Variants in ASTN2 observed in about 807,000 individuals in gnomAD.
The protein encoded by ASTN2 is astrotactin-2.
ASTN2 carries 54 observed loss-of-function variants against 139.8 expected under a neutral mutation model. That is an observed-to-expected ratio of 0.39 (90% CI 0.31 to 0.48). The LOEUF (loss-of-function observed/expected upper bound fraction) is 0.48, where lower values mean the gene tolerates loss of function less well. Ranked by LOEUF, ASTN2 falls within the 20% of genes least tolerant of loss-of-function variation. The pLI, the probability that ASTN2 is intolerant of heterozygous loss-of-function variation, is 0.95. For synonymous variants in ASTN2, 756 were observed against 719.5 expected (o/e 1.05, Z -0.81); for missense variants, 1,565 against 1,725.1 (o/e 0.91, Z 1.64).
chr9:117,237,821 G>C (rs1052694984), intron 2 of ASTN2, among the ~76,000 whole-genome samples: 7 of 152,192 alleles, frequency 4.6e-5, no homozygotes, highest in African/African-American at 1.7e-4. Flanking sequence ...CATGCTCACA[G>C]TGTTTCACTT....
At chr9:116,700,443 T>C (rs1193764022) in intron 16 of ASTN2, 1 of 167,188 alleles carries the variant, frequency 6.0e-6, no homozygotes, top group East Asian at 1.9e-4. Context: ...GTTGGAATTA[T>C]GCCAAAGCAT....
intron 19 of ASTN2, among the ~76,000 whole-genome samples, chr9:116,559,247 C>T (rs1373902605): frequency 6.6e-6 from 1 of 152,194 alleles, no homozygotes; most frequent in Non-Finnish European, 1.5e-5. Flanking sequence ...CTTGCCCTAA[C>T]CTTATTCCGT....
Position 116,610,909 on chromosome 9 carries a change from G to A in ASTN2, c.3355+7415C>T, listed in dbSNP as rs1855503295. ...ATTGATACAAGAAGACAGAAAATCAGAAAGGCTCCAGAAGACTTGAATAAC... is the reference window on the plus strand; with the variant it reads ...ATTGATACAAGAAGACAGAAAATCAAAAAGGCTCCAGAAGACTTGAATAAC... On this transcript the variant is annotated intron_variant, in intron 19 of 22. Transcript: ENST00000313400. 7 of 152,038 alleles carry A rather than the reference G, an allele frequency of 4.6e-5. No homozygotes were observed. In the South Asian group the frequency reaches 1.5e-3, roughly 32 times the overall value. 9.4% of individuals were successfully genotyped at this position (152,038 alleles called of 1,614,324 possible). A position where few individuals can be genotyped will look rare whatever the true frequency, so the allele number is the denominator to read the frequency against.
At chr9:116,878,241 G>T (rs1018508001) in intron 10 of ASTN2, among the ~76,000 whole-genome samples, 19 of 152,256 alleles carry the variant, frequency 1.2e-4, no homozygotes, top group African/African-American at 4.6e-4. Context: ...CCATTATAAA[G>T]ATACATGGCA....
intron 3 of ASTN2, among the ~76,000 whole-genome samples, chr9:117,152,802 G>A (rs1830353387): frequency 6.6e-6 from 1 of 152,026 alleles, no homozygotes. Flanking sequence ...AAGTTCTCAG[G>A]TGATTTGTTA....
At chr9:117,023,772 T>A (rs1333553220) in intron 6 of ASTN2, among the ~76,000 whole-genome samples, 1 of 152,214 alleles carries the variant, frequency 6.6e-6, no homozygotes, top group East Asian at 1.9e-4. Flanking sequence ...TGATGAATTC[T>A]AGCTGTTATT....
intron 2 of ASTN2, among the ~76,000 whole-genome samples, chr9:117,240,655 C>G (rs1833178321): frequency 6.6e-6 from 1 of 152,178 alleles, no homozygotes; most frequent in Non-Finnish European, 1.5e-5. Context: ...GATAAACCTT[C>G]TAACAGACCT....
chr9:116,664,719 G>A (rs1038634559), intron 16 of ASTN2, among the ~76,000 whole-genome samples: 15 of 151,092 alleles, frequency 9.9e-5, no homozygotes, highest in Non-Finnish European at 2.1e-4. Context: ...TGACATAATT[G>A]TTTAGAGAAA....
chr9:116,624,059 T>C (rs1194566305), intron 17 of ASTN2, among the ~76,000 whole-genome samples: 3 of 152,098 alleles, frequency 2.0e-5, no homozygotes, highest in African/African-American at 7.2e-5. Context: ...TGGCCATTGG[T>C]TTTCATAACG....
chr9:116,825,876 T>C (rs1831609617), intron 11 of ASTN2, among the ~76,000 whole-genome samples: 2 of 152,176 alleles, frequency 1.3e-5, no homozygotes, highest in Admixed American at 6.5e-5. Flanking sequence ...GGGCACTATT[T>C]TGAGAGCCAA....
At chr9:117,040,912 C>T (rs1191961251) in intron 5 of ASTN2, among the ~76,000 whole-genome samples, 1 of 152,188 alleles carries the variant, frequency 6.6e-6, no homozygotes, top group Non-Finnish European at 1.5e-5. Flanking sequence ...TGAGCAGCTA[C>T]TATGTGAGAC....
chr9:116,984,822 T>G (rs557354530), intron 7 of ASTN2, among the ~76,000 whole-genome samples: 19 of 152,332 alleles, frequency 1.2e-4, no homozygotes, highest in Admixed American at 1.0e-3. Context: ...TGGGTAGTAC[T>G]TGGATCTCCC....
Position 116,927,446 on chromosome 9 carries a change from G to A in ASTN2, c.1889+47762C>T, listed in dbSNP as rs146949850. 8.1e-4 allele frequency among the ~76,000 whole-genome samples: 123 copies of A among 152,256 alleles called. 4 individuals carry two copies. In the East Asian group the frequency reaches 0.019, roughly 23 times the overall value. On this transcript the variant is annotated intron_variant, in intron 10 of 22. Transcript: ENST00000313400. ...GAAGCTGGTGGGTTTTGCTTTCCTG[G>A]CTTTTGCTGGTGTTGAGATTCCTTT...
chr9:117,388,621 C>T (rs1028574867), intron 1 of ASTN2, among the ~76,000 whole-genome samples: 5 of 152,176 alleles, frequency 3.3e-5, no homozygotes, highest in Non-Finnish European at 7.3e-5. Flanking sequence ...CTGATAGACC[C>T]TGTAATCTAT....
At chr9:116,535,567 T>A (rs1328505009) in intron 19 of ASTN2, among the ~76,000 whole-genome samples, 1 of 152,176 alleles carries the variant, frequency 6.6e-6, no homozygotes, top group Non-Finnish European at 1.5e-5. Context: ...ACAAAATCCC[T>A]TAGCATTTGC....
intron 20 of ASTN2, among the ~76,000 whole-genome samples, chr9:116,449,364 C>T (rs1480820749): frequency 1.3e-5 from 2 of 152,144 alleles, no homozygotes; most frequent in Non-Finnish European, 2.9e-5. Context: ...CAAGATGGCA[C>T]CACTGCAGTC....
At chr9:116,985,784 G>A (rs373420877) in intron 7 of ASTN2, among the ~76,000 whole-genome samples, 1 of 152,158 alleles carries the variant, frequency 6.6e-6, no homozygotes, top group Admixed American at 6.5e-5. Context: ...GCACAGAGCT[G>A]AGCCTGCCGG....
At position 117,060,514 on chromosome 9, in the gene ASTN2, G is replaced by A. The variant is rs11506909; in HGVS notation, c.1277-20549C>T. Among the ~76,000 whole-genome samples, 270 of 115,460 alleles carry A rather than the reference G, an allele frequency of 2.3e-3. 23 individuals are homozygous for A. Among genetic ancestry groups the A allele is most frequent in the Middle Eastern group, 9.2e-3 (2 of 218 alleles). 75.7% of individuals were successfully genotyped at this position (115,460 alleles called of 152,430 possible). A position where few individuals can be genotyped will look rare whatever the true frequency, so the allele number is the denominator to read the frequency against. ...GAAAGAAAGAAAGAAAGAAAGAAAG[G>A]AAGGAAGGAAGGAAGGAAGGAAAGA... On this transcript the variant is annotated intron_variant, in intron 5 of 22. Coordinates refer to ENST00000313400, the MANE Select transcript of ASTN2 (RefSeq NM_001365068.1).
chr9:116,921,855 C>T (rs1164884141), intron 10 of ASTN2, among the ~76,000 whole-genome samples: 1 of 152,130 alleles, frequency 6.6e-6, no homozygotes, highest in Admixed American at 6.5e-5. Flanking sequence ...TATCCAATAA[C>T]CTTCCACTGG....
Sources: allele counts gnomAD v4.1 joint callset (sites outside exome capture counted in the v4.1 genomes callset), GRCh38; gene constraint gnomAD v4.1.1; transcripts MANE v1.5; gene names NCBI Gene and HGNC (gene_info 2026-07-23, HGNC 2026-07-21).